The following TBL1XR1 variants were observed in gnomAD, a reference collection of about 807,000 sequenced individuals.
The protein encoded by TBL1XR1 is TBL1X/Y related 1, also known as F-box-like/WD repeat-containing protein TBL1XR1.
In TBL1XR1, 5 loss-of-function variants were observed where a neutral mutation model predicts 66.9. That is an observed-to-expected ratio of 0.07 (90% CI 0.04 to 0.16). The LOEUF is 0.16. TBL1XR1 is among the 10% of genes least tolerant of loss of function. The probability of loss-of-function intolerance (pLI) is 1.00; values close to 1 mark genes in which losing one functional copy is unlikely to be tolerated. For synonymous variants in TBL1XR1, 210 were observed against 206.0 expected (o/e 1.02, Z -0.17); for missense variants, 238 against 623.2 (o/e 0.38, Z 6.58).
chr3:177,026,713 C>A (rs1395179311), intron 14 of TBL1XR1: 1 of 395,956 alleles, frequency 2.5e-6, no homozygotes, highest in East Asian at 4.5e-5. Flanking sequence ...GTCTTGATAA[C>A]CATTCTTGGC....
intron 2 of TBL1XR1, among the ~76,000 whole-genome samples, chr3:177,090,392 G>T (rs576704429): frequency 6.7e-6 from 1 of 150,282 alleles, no homozygotes; most frequent in South Asian, 2.1e-4. Context: ...AAACAAATTG[G>T]CCTGGACCCA....
chr3:177,029,183 C>T (rs1428279961), intron 14 of TBL1XR1, among the ~76,000 whole-genome samples: 2 of 151,286 alleles, frequency 1.3e-5, no homozygotes, highest in East Asian at 1.9e-4. Context: ...TGCCTGTAGA[C>T]CCAGCTACAC....
At chr3:177,071,048 T>TTTTTTTTTTTTTTG (rs1719931112) in intron 2 of TBL1XR1, among the ~76,000 whole-genome samples, 1 of 144,198 alleles carries the variant, frequency 6.9e-6, no homozygotes, top group Non-Finnish European at 1.5e-5. Context: ...TTTTTTTTTT[T>TTTTTTTTTTTTTTG]GAGACAGAGT....
chr3:177,191,843 C>A (rs1736179063), intron 1 of TBL1XR1, among the ~76,000 whole-genome samples: 6 of 152,136 alleles, frequency 3.9e-5, no homozygotes, highest in Admixed American at 3.9e-4. Flanking sequence ...GTGGCTCATG[C>A]CTGTAATCCC....
chr3:177,198,898 ACACACACACT>A (rs1386458244), upstream of TBL1XR1, among the ~76,000 whole-genome samples: 4 of 110,426 alleles, frequency 3.6e-5, no homozygotes, highest in Admixed American at 2.7e-4. Context: ...ACACACACAC[ACACACACACT>A]ACTCGTAACT....
chr3:177,163,561 A>G (rs1300228383), intron 1 of TBL1XR1, among the ~76,000 whole-genome samples: 4 of 151,578 alleles, frequency 2.6e-5, no homozygotes, highest in East Asian at 3.9e-4. Context: ...TGTAAAATAT[A>G]TAAGGTAAAA....
At chr3:177,123,760 A>G (rs1405195328) in intron 1 of TBL1XR1, among the ~76,000 whole-genome samples, 1 of 151,398 alleles carries the variant, frequency 6.6e-6, no homozygotes, top group African/African-American at 2.4e-5. Flanking sequence ...AAAAGTACAA[A>G]TACGCACTAG....
chr3:177,061,686 C>T (rs768237105), intron 3 of TBL1XR1, among the ~76,000 whole-genome samples: 2 of 152,118 alleles, frequency 1.3e-5, no homozygotes, highest in African/African-American at 4.8e-5. Context: ...CCAGTTTCTT[C>T]GGTATTACTT....
chr3:177,036,971 A>T (rs1260789167), intron 12 of TBL1XR1, among the ~76,000 whole-genome samples: 1 of 152,326 alleles, frequency 6.6e-6, no homozygotes, highest in East Asian at 1.9e-4. Flanking sequence ...TTTATCTCCA[A>T]ATGCTTTTTT....
chr3:177,077,184 C>T (rs1423106509), intron 2 of TBL1XR1, among the ~76,000 whole-genome samples: 1 of 152,206 alleles, frequency 6.6e-6, no homozygotes, highest in Non-Finnish European at 1.5e-5. Context: ...ACTTTCGCTG[C>T]ATACATCTCT....
At chr3:177,076,884 G>A (rs187465447) in intron 2 of TBL1XR1, among the ~76,000 whole-genome samples, 7 of 152,300 alleles carry the variant, frequency 4.6e-5, no homozygotes, top group East Asian at 3.9e-4. Flanking sequence ...CTTGGACCTT[G>A]GCTATGTGAC....
chr3:177,026,310 T>C, intron 15 of TBL1XR1, 63 bp downstream of exon 15: 3 of 1,278,104 alleles, frequency 2.3e-6, no homozygotes, highest in Non-Finnish European at 3.3e-6. Flanking sequence ...TCACTAACAA[T>C]AAGCTGCATT....
chr3:177,098,865 T>C (rs1443022664), intron 1 of TBL1XR1, among the ~76,000 whole-genome samples: 1 of 152,264 alleles, frequency 6.6e-6, no homozygotes, highest in East Asian at 1.9e-4. Context: ...AGTATGTTCA[T>C]AATCTATAAT....
At chr3:177,172,832 C>T (rs560938991) in intron 1 of TBL1XR1, among the ~76,000 whole-genome samples, 2 of 152,136 alleles carry the variant, frequency 1.3e-5, no homozygotes, top group South Asian at 4.2e-4. Context: ...TCTGCACAGC[C>T]TCAAAGCATC....
chr3:177,187,936 CA>C (rs1217547322), intron 1 of TBL1XR1, among the ~76,000 whole-genome samples: 6 of 119,950 alleles, frequency 5.0e-5, no homozygotes, highest in African/African-American at 1.0e-4. Flanking sequence ...GTCCAGAGTA[CA>C]ATTTCCTTTT....
intron 1 of TBL1XR1, among the ~76,000 whole-genome samples, chr3:177,164,687 T>C (rs1193389279): frequency 1.8e-4 from 27 of 152,178 alleles, no homozygotes; most frequent in Non-Finnish European, 2.9e-5. Flanking sequence ...AAAAAGATTA[T>C]ACAAATAAAT....
At position 177,077,559 on chromosome 3, in the gene TBL1XR1, AC is replaced by A. The variant is rs973916927; in HGVS notation, c.-45-12538del. Among the ~76,000 whole-genome samples the A allele has an allele frequency of 8.5e-5, 13 of 152,198 alleles. 1 individual carries two copies. Among genetic ancestry groups the A allele is most frequent in the Admixed American group, 1.3e-4 (2 of 15,278 alleles). On this transcript the variant is annotated intron_variant, in intron 2 of 15. Coordinates refer to ENST00000457928, the MANE Select transcript of TBL1XR1 (RefSeq NM_024665.7). ...AGTACCTATCACCTGTATTATTACG[AC>A]AGCCTAAGAGTCTCCTAAGTTCTCC...
chr3:177,038,574 G>A, intron 10 of TBL1XR1, 140 bp from the exon 11 acceptor site: 1 of 805,334 alleles, frequency 1.2e-6, no homozygotes. Flanking sequence ...AAGATATTAA[G>A]AAAAAATTAA....
intron 1 of TBL1XR1, among the ~76,000 whole-genome samples, chr3:177,133,068 T>C (rs1310575595): frequency 6.6e-6 from 1 of 152,092 alleles, no homozygotes; most frequent in Non-Finnish European, 1.5e-5. Context: ...GCAGGAGGAT[T>C]ACCTGTCAGG....
Sources: gnomAD v4.1 joint callset for allele counts (sites outside exome capture counted in the v4.1 genomes callset) on GRCh38, gnomAD v4.1.1 for gene constraint, MANE v1.5 for transcripts, NCBI Gene and HGNC (gene_info 2026-07-23, HGNC 2026-07-21) for gene names.